The following SLC15A4 variants were observed in gnomAD, a reference collection of about 807,000 sequenced individuals.
The protein encoded by SLC15A4 is hPHT1.
Under a neutral mutation model 46.1 loss-of-function variants are expected in SLC15A4, and 26 were observed. The observed-to-expected ratio is 0.56, with a 90% CI of 0.41 to 0.78. The LOEUF is 0.78. Among genes scored for constraint, SLC15A4 ranks in the 30% least tolerant of loss-of-function variants. The probability of loss-of-function intolerance (pLI) is 0.00; values close to 1 mark genes in which losing one functional copy is unlikely to be tolerated. For missense variants in SLC15A4, 751 were observed against 755.7 expected (o/e 0.99, Z 0.07); for synonymous variants, 370 against 333.4 (o/e 1.11, Z -1.20).
chr12:128,796,754 T>C (rs143940736), intron 7 of SLC15A4, among the ~76,000 whole-genome samples: 56 of 152,304 alleles, frequency 3.7e-4, no homozygotes, highest in African/African-American at 1.3e-3. Flanking sequence ...TGAGACGAGG[T>C]TGTCATCAAA....
intron 7 of SLC15A4, among the ~76,000 whole-genome samples, chr12:128,797,011 G>A (rs781484805): frequency 6.4e-4 from 98 of 152,158 alleles, no homozygotes; most frequent in Non-Finnish European, 1.1e-3. Flanking sequence ...CGCCTAAGTC[G>A]CCTGGGAGAA....
At chr12:128,812,313 T>C (rs921801323) in intron 2 of SLC15A4, among the ~76,000 whole-genome samples, 10 of 152,144 alleles carry the variant, frequency 6.6e-5, no homozygotes, top group Admixed American at 2.0e-4. Context: ...GCCCAACTTT[T>C]TTTTTTTATT....
rs372553435 is a variant in SLC15A4, at chr12:128,823,842, G to A, written c.102C>T (p.Arg34=). The A allele has an allele frequency of 4.4e-4, 572 of 1,303,396 alleles. 5 individuals carry two copies. The African/African-American group carries it at 7.8e-3, about 18-fold the overall frequency. The allele number at this position is 1,303,396 out of a possible 1,614,324, so 80.7% of individuals were successfully genotyped here. A position where few individuals can be genotyped will look rare whatever the true frequency, so the allele number is the denominator to read the frequency against. Reference sequence around the variant, plus strand: ...TCAGCAGCACGGCCCCGCACGCCGCGCGCCGGCCCGCGAACGCCCCAGCCG... The same window carrying A: ...TCAGCAGCACGGCCCCGCACGCCGCACGCCGGCCCGCGAACGCCCCAGCCG... ...AAAAGAFAGR[R]AACGAVLLTE... Residue 34 remains arginine (R), a synonymous_variant, in exon 1 of 8, where the codon CGC becomes CGT. Coordinates refer to ENST00000266771, the MANE Select transcript of SLC15A4 (RefSeq NM_145648.4).
chr12:128,796,749 C>A (rs956774687), intron 7 of SLC15A4, among the ~76,000 whole-genome samples: 1 of 152,204 alleles, frequency 6.6e-6, no homozygotes, highest in Non-Finnish European at 1.5e-5. Flanking sequence ...GCTACTGAGA[C>A]GAGGTTGTCA....
intron 4 of SLC15A4, 68 bp downstream of exon 4, chr12:128,809,328 G>A: frequency 3.1e-6 from 3 of 968,776 alleles, no homozygotes; most frequent in Non-Finnish European, 4.7e-6. Context: ...ATTTACAGTT[G>A]GTAGAAGGAA....
In SLC15A4 at chr12:128,823,359, TGGACAG is replaced by T. The variant is rs988047367; in HGVS notation, c.546+33_546+38del. ...GAAGAGGCTGGGGCTGGGCAGGGGCTGGACAGGGACAGGGACAGCGCGCGGGGGCGC... is the reference window on the plus strand; with the variant it reads ...GAAGAGGCTGGGGCTGGGCAGGGGCTGGACAGGGACAGCGCGCGGGGGCGC... On this transcript the variant is annotated intron_variant, in intron 1 of 7. Transcript: ENST00000266771. The T allele has an allele frequency of 4.6e-5, 63 of 1,361,408 alleles. No homozygotes were observed. In the African/African-American group the frequency reaches 5.6e-4, roughly 12 times the overall value. 84.3% of individuals were successfully genotyped at this position (1,361,408 alleles called of 1,614,324 possible).
At chr12:128,823,276 AG>A in intron 1 of SLC15A4, 121 bp downstream of exon 1, 1 of 976,466 alleles carries the variant, frequency 1.0e-6, no homozygotes, top group Non-Finnish European at 1.4e-6. Context: ...GGCACTAGAC[AG>A]AAGCCCCCCG....
In SLC15A4 at chr12:128,809,993, T is replaced by A; in HGVS notation, c.961A>T (p.Ile321Phe). 6.2e-7 allele frequency: 1 copy of A among 1,614,140 alleles called. No individual in the cohort carries two copies. Among genetic ancestry groups the A allele is most frequent in the Non-Finnish European group, 8.5e-7 (1 of 1,180,016 alleles). The change falls in exon 3 of 8, where the codon ATT (isoleucine) becomes TTT (phenylalanine). Residue 321 changes from isoleucine (I) to phenylalanine (F), a missense_variant. Transcript: ENST00000266771. The stretch of plus-strand genomic sequence containing the variant: ...ATCAAAGCCAAGAAAACAGGGACAA[T>A]CTTGACCAGAGCTTTCACATCTTCC... Reference protein sequence around the residue: ...KVEDVKALVKIVPVFLALIPY... With the variant: ...KVEDVKALVKFVPVFLALIPY...
chr12:128,821,303 T>C (rs1365100357), intron 1 of SLC15A4, among the ~76,000 whole-genome samples: 3 of 152,182 alleles, frequency 2.0e-5, no homozygotes, highest in Admixed American at 2.0e-4. Context: ...TAGGAGAGAC[T>C]CCCACCTCAT....
At chr12:128,816,246 T>A (rs1413577698) in intron 1 of SLC15A4, among the ~76,000 whole-genome samples, 1 of 152,232 alleles carries the variant, frequency 6.6e-6, no homozygotes, top group African/African-American at 2.4e-5. Flanking sequence ...AAGCCTTCTC[T>A]GCCCACCTGG....
At chr12:128,795,377 C>T (rs1193445629) in intron 7 of SLC15A4, among the ~76,000 whole-genome samples, 1 of 152,150 alleles carries the variant, frequency 6.6e-6, no homozygotes, top group Non-Finnish European at 1.5e-5. Context: ...ACTATGGAGG[C>T]ACTTTACACG....
chr12:128,799,319 C>T lies in SLC15A4; in HGVS notation c.1513G>A (p.Gly505Arg). 6.2e-7 allele frequency: 1 copy of T among 1,614,146 alleles called. No homozygotes were observed. The highest frequency in any genetic ancestry group is 8.5e-7 in the Non-Finnish European group (1 of 1,180,038). ...TTGATAGACACCAGTGCCAGCAGTCCAGAACCCACGAACGACCCGACGCCA... is the reference window on the plus strand; with the variant it reads ...TTGATAGACACCAGTGCCAGCAGTCTAGAACCCACGAACGACCCGACGCCA... The part of the protein sequence containing the change: ...FSGVGSFVGS[G>R]LLALVSIKAI... The change falls in exon 7 of 8, where the codon GGA becomes AGA. Residue 505 changes from glycine to arginine, a missense_variant. Transcript: ENST00000266771.
At chr12:128,803,358 G>C (rs1378087972) in intron 5 of SLC15A4, among the ~76,000 whole-genome samples, 2 of 152,196 alleles carry the variant, frequency 1.3e-5, no homozygotes, top group Admixed American at 1.3e-4. Context: ...ACCAATAGGT[G>C]CCATGTATGA....
chr12:128,809,004 A>G, intron 4 of SLC15A4, 48 bp from the exon 5 acceptor site: 4 of 1,567,488 alleles, frequency 2.6e-6, no homozygotes, highest in South Asian at 1.2e-5. Context: ...AATACAGGCC[A>G]TCACCTGTCT....
intron 7 of SLC15A4, 102 bp downstream of exon 7, chr12:128,799,157 G>GC (rs1955484108): frequency 7.6e-7 from 1 of 1,318,042 alleles, no homozygotes; most frequent in African/African-American, 1.5e-5. Flanking sequence ...CTCGGGACAG[G>GC]CCATCCACGT....
chr12:128,823,606 T>C lies in SLC15A4; in HGVS notation c.338A>G (p.Tyr113Cys), dbSNP rs1955885188. 1.4e-6 allele frequency: 2 copies of C among 1,461,496 alleles called. No homozygotes were observed. The highest frequency in any genetic ancestry group is 2.6e-5 in the South Asian group (2 of 75,860). 90.5% of individuals were successfully genotyped at this position (1,461,496 alleles called of 1,614,324 possible). The change falls in exon 1 of 8, where the codon TAC becomes TGC. Residue 113 changes from tyrosine to cysteine, a missense_variant. Coordinates refer to ENST00000266771, the MANE Select transcript of SLC15A4 (RefSeq NM_145648.4). ...CGGGAAGGCCAGCATGCCCAGCAGG[T>C]AGAGCGCCAGGCTCAGCAGGATGGC... is the stretch of plus-strand genomic sequence containing the variant. ...ARAILLSLAL[Y>C]LLGMLAFPLL... is the part of the protein sequence containing the mutation.
chr12:128,797,013 C>G (rs564309863), intron 7 of SLC15A4, among the ~76,000 whole-genome samples: 1 of 152,270 alleles, frequency 6.6e-6, no homozygotes, highest in East Asian at 1.9e-4. Context: ...CCTAAGTCGC[C>G]TGGGAGAAAA....
intron 1 of SLC15A4, among the ~76,000 whole-genome samples, chr12:128,818,191 G>T (rs937496311): frequency 1.3e-5 from 2 of 151,720 alleles, no homozygotes; most frequent in Non-Finnish European, 2.9e-5. Flanking sequence ...CTTTGAAAAA[G>T]GTGAAACACT....
intron 2 of SLC15A4, among the ~76,000 whole-genome samples, chr12:128,811,231 A>G (rs999934885): frequency 1.3e-5 from 2 of 152,202 alleles, no homozygotes; most frequent in East Asian, 1.9e-4. Context: ...TTAATTCCCA[A>G]TAAGATTGTG....
Sources: allele counts gnomAD v4.1 joint callset (sites outside exome capture counted in the v4.1 genomes callset), GRCh38; gene constraint gnomAD v4.1.1; transcripts MANE v1.5; gene names NCBI Gene and HGNC (gene_info 2026-07-23, HGNC 2026-07-21).